VAV1: variants seen among roughly 807,000 people sequenced by gnomAD.
VAV1 encodes proto-oncogene vav.
A neutral mutation model predicts 128.1 loss-of-function variants in VAV1; 33 were observed. The ratio of observed to expected loss-of-function variants is 0.26; its 90% CI spans 0.20 to 0.34. The LOEUF (loss-of-function observed/expected upper bound fraction) is 0.34. Ranked by LOEUF, VAV1 falls within the 10% of genes least tolerant of loss-of-function variation. VAV1 has a pLI of 1.00. For missense variants in VAV1, 715 were observed against 1,093.7 expected, an observed-to-expected ratio of 0.65 and a Z score of 4.88; for synonymous variants, 394 against 409.8, an observed-to-expected ratio of 0.96 and a Z score of 0.47.
intron 1 of VAV1, among the ~76,000 whole-genome samples, chr19:6,789,035 A>G (rs1045996457): frequency 6.6e-6 from 1 of 152,102 alleles, no homozygotes; most frequent in Non-Finnish European, 1.5e-5. Context: ...TCCATTTCAC[A>G]CAAGTAGCAC....
rs164018 is a variant in VAV1, at chr19:6,820,197, A to T, written c.205-505A>T. ...AGCTGGGTGTTGCGACACATGACTG[A>T]AGTCCTAGCTACCTGGGAGGTGGAG... On this transcript the variant is annotated intron_variant, in intron 1 of 26. Transcript: ENST00000602142. The surrounding 1 kb of genome is among the most constrained non-coding windows in gnomAD (Gnocchi z 4.4). Among the ~76,000 whole-genome samples, 29,594 of 151,978 alleles carry T rather than the reference A, an allele frequency of 0.19. 3,151 individuals are homozygous for T. The highest frequency in any genetic ancestry group is 0.27 in the African/African-American group (11,244 of 41,412).
chr19:6,815,520 T>A (rs1568299856), intron 1 of VAV1, among the ~76,000 whole-genome samples: 1 of 152,016 alleles, frequency 6.6e-6, no homozygotes, highest in Non-Finnish European at 1.5e-5. Context: ...CACAAAAGAG[T>A]TAAAGTTCAT....
intron 1 of VAV1, among the ~76,000 whole-genome samples, chr19:6,811,288 G>A (rs562200021): frequency 3.3e-5 from 5 of 152,036 alleles, no homozygotes; most frequent in African/African-American, 9.7e-5. Context: ...CACCCTCTTC[G>A]GCCTCCCATA....
intron 22 of VAV1, among the ~76,000 whole-genome samples, 196 bp from the exon 23 acceptor site, chr19:6,847,802 G>A (rs527725396): frequency 6.6e-6 from 1 of 152,362 alleles, no homozygotes; most frequent in African/African-American, 2.4e-5. Flanking sequence ...CTGTAGAAGT[G>A]GAAGCCCGCT....
intron 1 of VAV1, among the ~76,000 whole-genome samples, chr19:6,789,499 C>G (rs1970970044): frequency 6.6e-6 from 1 of 152,188 alleles, no homozygotes; most frequent in Non-Finnish European, 1.5e-5. Context: ...GATCCACCTG[C>G]CTTGGCCTCC....
At chr19:6,827,006 A>C in intron 9 of VAV1, 1 of 373,840 alleles carries the variant, frequency 2.7e-6, no homozygotes, top group Non-Finnish European at 5.0e-6. Context: ...CACTGATTGT[A>C]CCCCAAGTCG....
At chr19:6,782,141 C>T (rs567337634) in intron 1 of VAV1, among the ~76,000 whole-genome samples, 26 of 152,066 alleles carry the variant, frequency 1.7e-4, no homozygotes, top group African/African-American at 6.3e-4. Context: ...ACCAGCCTGT[C>T]CAACATGGCG....
chr19:6,845,826 T>C (rs1972507243), intron 22 of VAV1, among the ~76,000 whole-genome samples: 1 of 147,978 alleles, frequency 6.8e-6, no homozygotes, highest in African/African-American at 2.4e-5. Flanking sequence ...TTAAATTGTA[T>C]ATTTACATTT....
At chr19:6,804,231 G>A (rs1026398603) in intron 1 of VAV1, among the ~76,000 whole-genome samples, 1 of 150,954 alleles carries the variant, frequency 6.6e-6, no homozygotes, top group Non-Finnish European at 1.5e-5. Flanking sequence ...TAGCCTGTGA[G>A]GCTTCTTGGT....
chr19:6,789,593 C>CTCCCTTCCTTCCTTCCTTCCTTCCTTCCT (rs1555698636), intron 1 of VAV1, among the ~76,000 whole-genome samples: 6 of 150,100 alleles, frequency 4.0e-5, no homozygotes, highest in African/African-American at 1.2e-4. Flanking sequence ...TTTTCTTTCC[C>CTCCCTTCCTTCCTTCCTTCCTTCCTTCCT]TCCTTCCTTC....
chr19:6,821,707 A>G (rs367880755), intron 3 of VAV1, 27 bp downstream of exon 3: 3 of 1,613,988 alleles, frequency 1.9e-6, no homozygotes, highest in African/African-American at 2.7e-5. Context: ...GCCTTGGGCC[A>G]TTTAGCCCCA....
At chr19:6,794,757 C>A (rs1971093424) in intron 1 of VAV1, among the ~76,000 whole-genome samples, 1 of 152,156 alleles carries the variant, frequency 6.6e-6, no homozygotes, top group South Asian at 2.1e-4. Context: ...TGAAACAAAC[C>A]ACTCCAAACT....
In VAV1 at chr19:6,836,277, C is replaced by T. The variant is rs1384622419; in HGVS notation, c.1778-155C>T. The T allele has an allele frequency of 6.4e-6, 6 of 938,362 alleles. No homozygotes were observed. In the East Asian group the frequency reaches 1.3e-4, roughly 21 times the overall value. 58.1% of individuals were successfully genotyped at this position (938,362 alleles called of 1,614,324 possible). A position where few individuals can be genotyped will look rare whatever the true frequency, so the allele number is the denominator to read the frequency against. On this transcript the variant is annotated intron_variant, in intron 19 of 26. Transcript: ENST00000602142. ...ATAGTTTTACAAAGAGTATCCCCAC[C>T]AGCAATGAGTGAAAATTCCAGTTTC...
At chr19:6,783,255 G>A (rs1970805423) in intron 1 of VAV1, among the ~76,000 whole-genome samples, 1 of 152,202 alleles carries the variant, frequency 6.6e-6, no homozygotes, top group African/African-American at 2.4e-5. Context: ...CAGTGATAGT[G>A]AGACTTTACT....
rs577848409 is a variant in VAV1 at position 6,785,636 on chromosome 19, G to A, written c.204+12625G>A. Among the ~76,000 whole-genome samples, 27 of 148,610 alleles carry A rather than the reference G, an allele frequency of 1.8e-4. No individual in the cohort carries two copies. The East Asian group carries it at 4.9e-3, about 27-fold the overall frequency. ...TGTGAGCCACTGCACATGGTCAGTG[G>A]CCAGGTTTCTTTCTTTCTTTCTTTC... is the stretch of plus-strand genomic sequence containing the variant. On this transcript the variant is annotated intron_variant, in intron 1 of 26. Transcript: ENST00000602142.
Position 6,853,935 on chromosome 19 carries a change from C to T in VAV1, c.2333-12C>T. 1 of 1,607,476 alleles carries T rather than the reference C, an allele frequency of 6.2e-7. No individual in the cohort carries two copies. Among genetic ancestry groups the T allele is most frequent in the Non-Finnish European group, 8.5e-7 (1 of 1,179,680 alleles). On this transcript the variant is annotated splice_polypyrimidine_tract_variant and intron_variant, in intron 25 of 26. Coordinates refer to ENST00000602142, the MANE Select transcript of VAV1 (RefSeq NM_005428.4). The stretch of plus-strand genomic sequence containing the variant: ...CCCAGACCCTTTTCTCACTTCTGTT[C>T]TCTCTCCACAGTGGGAAGCACAAAG...
Position 6,780,145 on chromosome 19 carries a change from TAA to T in VAV1, c.204+7135_204+7136del, listed in dbSNP as rs1397515864. On this transcript the variant is annotated intron_variant, in intron 1 of 26. Coordinates refer to ENST00000602142, the MANE Select transcript of VAV1 (RefSeq NM_005428.4). ...ATAATAATAATAATAATAATAATAA[TAA>T]TAATAATAATAACCTCATCCATGAA... Among the ~76,000 whole-genome samples the T allele has an allele frequency of 2.1e-5, 3 of 145,460 alleles. No homozygotes were observed. The East Asian group carries it at 5.9e-4, about 28-fold the overall frequency.
chr19:6,789,573 C>CTTACT (rs1423986389), intron 1 of VAV1, among the ~76,000 whole-genome samples: 2 of 144,780 alleles, frequency 1.4e-5, no homozygotes, highest in African/African-American at 5.6e-5. Flanking sequence ...TTCTGTTCTG[C>CTTACT]TTTCTTTTCT....
At chr19:6,808,017 A>G (rs936052512) in intron 1 of VAV1, among the ~76,000 whole-genome samples, 1 of 150,394 alleles carries the variant, frequency 6.6e-6, no homozygotes, top group Non-Finnish European at 1.5e-5. Context: ...AAGAAAAGAA[A>G]AAGTTAAAAA....
Sources: allele counts gnomAD v4.1 joint callset (sites outside exome capture counted in the v4.1 genomes callset), GRCh38; gene constraint gnomAD v4.1.1; non-coding constraint Gnocchi (gnomAD v3.1); transcripts MANE v1.5; gene names NCBI Gene and HGNC (gene_info 2026-07-23, HGNC 2026-07-21).